IGSF11: variants seen among roughly 807,000 people sequenced by gnomAD.
IGSF11 encodes the protein immunoglobulin superfamily member 11, also known as CXADR like 1.
Under a neutral mutation model 41.0 loss-of-function variants are expected in IGSF11, and 22 were observed. The observed-to-expected ratio is 0.54, with a 90% CI of 0.38 to 0.77. The LOEUF (loss-of-function observed/expected upper bound fraction) is 0.77, where lower values mean the gene tolerates loss of function less well. IGSF11 is among the 30% of genes least tolerant of loss of function. The pLI is 0.00. For synonymous variants in IGSF11, 219 were observed against 201.3 expected, an observed-to-expected ratio of 1.09 and a Z score of -0.74; for missense variants, 444 against 530.8, an observed-to-expected ratio of 0.84 and a Z score of 1.61.
chr3:119,036,589 G>A (rs1255651011), upstream of IGSF11, among the ~76,000 whole-genome samples: 4 of 151,928 alleles, frequency 2.6e-5, no homozygotes, highest in Admixed American at 2.6e-4. Flanking sequence ...CTAATAATCT[G>A]AGCTTAAAGC....
intron 1 of IGSF11, among the ~76,000 whole-genome samples, chr3:118,933,285 G>A (rs1348984255): frequency 2.0e-5 from 3 of 152,044 alleles, no homozygotes; most frequent in Admixed American, 2.0e-4. Context: ...CTTAATCTCT[G>A]AGTCTGTTGC....
chr3:119,002,092 T>C (rs1297806002), intron 1 of IGSF11, among the ~76,000 whole-genome samples: 2 of 132,030 alleles, frequency 1.5e-5, no homozygotes, highest in Non-Finnish European at 3.2e-5. Context: ...CCACCAACAG[T>C]GTAAAAGTGT....
At chr3:119,087,787 T>A (rs1026885135) in intron 1 of IGSF11, among the ~76,000 whole-genome samples, 2 of 151,988 alleles carry the variant, frequency 1.3e-5, no homozygotes, top group African/African-American at 4.8e-5. Context: ...AAATTAAAAT[T>A]TTTTTTAATA....
chr3:119,073,733 C>T (rs116889730), intron 1 of IGSF11, among the ~76,000 whole-genome samples: 5,590 of 152,288 alleles, frequency 0.037, 150 homozygotes, highest in East Asian at 0.069. Context: ...CCGGAACTCG[C>T]GCTGGCCTGT....
chr3:118,929,850 T>A (rs1404807938), intron 2 of IGSF11, among the ~76,000 whole-genome samples: 1 of 152,206 alleles, frequency 6.6e-6, no homozygotes, highest in Non-Finnish European at 1.5e-5. Context: ...AAATTGCCTA[T>A]TAGCAATGTT....
At chr3:119,078,812 A>G (rs931098954) in intron 1 of IGSF11, among the ~76,000 whole-genome samples, 3 of 152,178 alleles carry the variant, frequency 2.0e-5, no homozygotes, top group Non-Finnish European at 4.4e-5. Flanking sequence ...TTCACAAACT[A>G]TGCATCCTAC....
At chr3:118,905,475 C>A in intron 5 of IGSF11, 121 bp downstream of exon 5, 1 of 1,062,204 alleles carries the variant, frequency 9.4e-7, no homozygotes. Flanking sequence ...AAAACCAAAA[C>A]AATTTCTATT....
intron 1 of IGSF11, among the ~76,000 whole-genome samples, chr3:119,034,217 G>A (rs969645219): frequency 2.6e-5 from 4 of 152,244 alleles, no homozygotes; most frequent in Admixed American, 2.6e-4. Flanking sequence ...GAGTAAGGGA[G>A]TTCGTTATCT....
At chr3:119,122,550 C>A (rs779396741) in intron 1 of IGSF11, among the ~76,000 whole-genome samples, 6 of 152,232 alleles carry the variant, frequency 3.9e-5, no homozygotes, top group Non-Finnish European at 7.3e-5. Flanking sequence ...GAGCACATGA[C>A]CTTACTATCA....
chr3:119,109,669 T>C (rs1298673517), upstream of IGSF11, among the ~76,000 whole-genome samples: 1 of 152,226 alleles, frequency 6.6e-6, no homozygotes, highest in Non-Finnish European at 1.5e-5. Flanking sequence ...CTAGTTCTTT[T>C]AATTGTGATG....
chr3:119,074,345 T>C (rs2076455646), intron 1 of IGSF11, among the ~76,000 whole-genome samples: 1 of 151,756 alleles, frequency 6.6e-6, no homozygotes, highest in African/African-American at 2.4e-5. Context: ...AAAAAAGAAA[T>C]TAATACCAAA....
intron 4 of IGSF11, among the ~76,000 whole-genome samples, chr3:118,906,203 A>G (rs1040431081): frequency 2.0e-5 from 3 of 152,242 alleles, no homozygotes; most frequent in African/African-American, 7.2e-5. Context: ...GTGTTAGCTC[A>G]GATCCTCCAA....
chr3:118,921,383 G>A (rs914816335), intron 4 of IGSF11, among the ~76,000 whole-genome samples: 1 of 152,114 alleles, frequency 6.6e-6, no homozygotes, highest in Admixed American at 6.6e-5. Flanking sequence ...CAAAATCTGA[G>A]TTTAGCAAGA....
intron 1 of IGSF11, among the ~76,000 whole-genome samples, chr3:119,017,362 T>C (rs1268854079): frequency 6.6e-6 from 1 of 152,048 alleles, no homozygotes; most frequent in African/African-American, 2.4e-5. Context: ...CTGAATAGAG[T>C]AGGCAATTAT....
At chr3:119,096,694 A>T (rs921891776) in intron 1 of IGSF11, among the ~76,000 whole-genome samples, 2 of 152,206 alleles carry the variant, frequency 1.3e-5, no homozygotes, top group Non-Finnish European at 2.9e-5. Context: ...AAAAGACTAG[A>T]AATTCAAACA....
At chr3:118,953,744 G>A (rs1439998830) in intron 1 of IGSF11, among the ~76,000 whole-genome samples, 1 of 152,020 alleles carries the variant, frequency 6.6e-6, no homozygotes, top group East Asian at 1.9e-4. Flanking sequence ...TTTTTGGTTG[G>A]ATAGTTTGTT....
intron 1 of IGSF11, among the ~76,000 whole-genome samples, chr3:119,065,436 A>AT (rs935797850): frequency 6.6e-6 from 1 of 151,788 alleles, no homozygotes; most frequent in Admixed American, 6.6e-5. Flanking sequence ...GTGGTCTGTA[A>AT]TTTTTTTTCC....
chr3:119,029,824 C>T (rs1430227385), intron 1 of IGSF11, among the ~76,000 whole-genome samples: 2 of 152,182 alleles, frequency 1.3e-5, no homozygotes, highest in Non-Finnish European at 2.9e-5. Context: ...TAAGACCAGC[C>T]TACAAGTGGC....
intron 4 of IGSF11, among the ~76,000 whole-genome samples, chr3:118,916,117 G>A (rs998004113): frequency 9.3e-5 from 14 of 150,350 alleles, no homozygotes; most frequent in Admixed American, 1.3e-4. Context: ...CGCTAAACAT[G>A]GAAAGGAACA....
Sources: allele counts gnomAD v4.1 joint callset (sites outside exome capture counted in the v4.1 genomes callset), GRCh38; gene constraint gnomAD v4.1.1; transcripts MANE v1.5; gene names NCBI Gene and HGNC (gene_info 2026-07-23, HGNC 2026-07-21).